CASKIN2: variants seen among roughly 807,000 people sequenced by gnomAD.
CASKIN2 encodes the protein CASK interacting protein 2.
In CASKIN2, 41 loss-of-function variants were observed where a neutral mutation model predicts 107.1. The observed-to-expected ratio is 0.38, with a 90% CI of 0.30 to 0.50. CASKIN2 has a LOEUF of 0.50. CASKIN2 is among the 20% of genes least tolerant of loss of function. The pLI, the probability that CASKIN2 is intolerant of heterozygous loss-of-function variation, is 0.92. For missense variants in CASKIN2, 1,546 were observed against 1,657.4 expected (o/e 0.93, Z 1.17); for synonymous variants, 724 against 705.6 (o/e 1.03, Z -0.41).
At position 75,502,578 on chromosome 17, in the gene CASKIN2, C is replaced by A. The variant is rs970002382; in HGVS notation, c.2496G>T (p.Arg832=). The change falls in exon 18 of 20, where the codon CGG becomes CGT. Residue 832 remains arginine, a synonymous_variant. Transcript: ENST00000321617. This position sits in a 1 kb window ranked among gnomAD's most constrained non-coding sequence, Gnocchi z 4.3. ...TLGSYATLTR[R]PGRSALVRTS... is the part of the protein sequence containing the mutation. ...TCCGGACAAGGGCACTGCGTCCTGG[C>A]CGCCGGGTAAGGGTAGCATAACTGC... The A allele has an allele frequency of 6.3e-7, 1 of 1,588,390 alleles. No individual in the cohort carries two copies. Among genetic ancestry groups the A allele is most frequent in the Non-Finnish European group, 8.6e-7 (1 of 1,165,950 alleles).
chr17:75,513,703 G>A lies in CASKIN2; in HGVS notation c.94+8C>T, dbSNP rs777301543. 8.7e-6 allele frequency: 14 copies of A among 1,612,512 alleles called. No individual in the cohort carries two copies. In the South Asian group the frequency reaches 1.1e-4, roughly 13 times the overall value. On this transcript the variant is annotated splice_region_variant and intron_variant, in intron 2 of 19. Transcript: ENST00000321617. ...CTCAGCGGGATGCTCGTCCCACCCGGTACTCACTTGTCTTTGTGGCCTTGA... is the reference window on the plus strand; with the variant it reads ...CTCAGCGGGATGCTCGTCCCACCCGATACTCACTTGTCTTTGTGGCCTTGA...
At chr17:75,507,511 A>T in intron 4 of CASKIN2, 73 bp downstream of exon 4, 1 of 1,110,546 alleles carries the variant, frequency 9.0e-7, no homozygotes, top group Non-Finnish European at 1.4e-6. Context: ...CATAGGAGCA[A>T]GCTCTGGTCC....
rs747185897 is a variant in CASKIN2, at chr17:75,503,759, T to C, written c.1580A>G (p.Asp527Gly). The change falls in exon 16 of 20, where the codon GAC (aspartate) becomes GGC (glycine). Residue 527 changes from aspartate (D) to glycine (G), a missense_variant and splice_region_variant. This residue lies in a region of CASKIN2 where 1,311 missense variants were observed against 1,311.0 expected (regional missense o/e 1.00). Transcript: ENST00000321617. ...CTTGGTCACCCCGATGGCCGTCAGG[T>C]CCTGCCACACAAAGTCTGGCCATCA... ...VPTISRMTPE[D>G]LTAIGVTKPG... 3.4e-5 allele frequency: 55 copies of C among 1,612,098 alleles called. 1 individual carries two copies. The highest frequency in any genetic ancestry group is 2.5e-6 in the Non-Finnish European group (3 of 1,179,930).
At position 75,506,684 on chromosome 17, in the gene CASKIN2, T is replaced by A; in HGVS notation, c.516A>T (p.Leu172Phe). The A allele has an allele frequency of 6.2e-7, 1 of 1,613,242 alleles. No individual in the cohort carries two copies. Among genetic ancestry groups the A allele is most frequent in the Non-Finnish European group, 8.5e-7 (1 of 1,179,928 alleles). Residue 172 changes from leucine to phenylalanine, a missense_variant, in exon 7 of 20, where the codon TTA becomes TTT. Transcript: ENST00000321617. The surrounding 1 kb of genome is among the most constrained non-coding windows in gnomAD (Gnocchi z 4.8). The part of the protein sequence containing the change: ...KVAQLLLNSH[L>F]CVALLEGEAK... ...CCTCACCCTCCAGCAGTGCCACACA[T>A]AAGTGGCTGTTCAGAAGCAGCTGGG...
intron 2 of CASKIN2, among the ~76,000 whole-genome samples, chr17:75,512,059 C>T (rs1295406290): frequency 6.6e-6 from 1 of 152,238 alleles, no homozygotes; most frequent in Non-Finnish European, 1.5e-5. Flanking sequence ...GGCACAGAGA[C>T]CACCCCACAG....
At chr17:75,512,737 G>A (rs111881544) in intron 2 of CASKIN2, among the ~76,000 whole-genome samples, 3,233 of 151,930 alleles carry the variant, frequency 0.021, 48 homozygotes, top group Non-Finnish European at 0.034. Flanking sequence ...GTGAAACCCC[G>A]TCTCTAGTAA....
intron 19 of CASKIN2, 103 bp from the exon 20 acceptor site, chr17:75,501,273 G>T: frequency 8.0e-7 from 1 of 1,247,752 alleles, no homozygotes; most frequent in Non-Finnish European, 1.1e-6. Context: ...GGGAGGCAAG[G>T]GACCGGCCAG....
chr17:75,509,093 T>C (rs1387381350), intron 2 of CASKIN2, among the ~76,000 whole-genome samples: 1 of 152,210 alleles, frequency 6.6e-6, no homozygotes, highest in African/African-American at 2.4e-5. Flanking sequence ...GGGTCTTGGC[T>C]GAGATGTCCA....
At position 75,507,590 on chromosome 17, in the gene CASKIN2, T is replaced by C. The variant is rs2053279111; in HGVS notation, c.238A>G (p.Ser80Gly). The change falls in exon 4 of 20, where the codon AGC becomes GGC. Residue 80 changes from serine (S) to glycine (G), a missense_variant. Coordinates refer to ENST00000321617, the MANE Select transcript of CASKIN2 (RefSeq NM_020753.5). ...EAQATVDIKD[S>G]NGMRPLHYAA... is the part of the protein sequence containing the mutation. Reference sequence around the variant, plus strand: ...GGGCACATGGGGGTCTCACCATTGCTGTCCTTGATGTCAACAGTGGCCTGA... The same window carrying C: ...GGGCACATGGGGGTCTCACCATTGCCGTCCTTGATGTCAACAGTGGCCTGA... The C allele has an allele frequency of 1.9e-6, 3 of 1,612,590 alleles. No individual in the cohort carries two copies. Among genetic ancestry groups the C allele is most frequent in the Admixed American group, 1.7e-5 (1 of 59,994 alleles).
At position 75,500,665 on chromosome 17, in the gene CASKIN2, T is replaced by C. The variant is rs748296307; in HGVS notation, c.*415A>G. ...CCAGACACACGCCTCCTCCAGCCTC[T>C]CAGGGCCTGGGCAGGATGGTGGGTG... On this transcript the variant is annotated 3_prime_UTR_variant, in exon 20 of 20. Coordinates refer to ENST00000321617, the MANE Select transcript of CASKIN2 (RefSeq NM_020753.5). 2 of 231,142 alleles carry C rather than the reference T, an allele frequency of 8.7e-6. No homozygotes were observed. Among genetic ancestry groups the C allele is most frequent in the Non-Finnish European group, 1.7e-5 (2 of 115,144 alleles). The allele number at this position is 231,142 out of a possible 1,614,324, so 14.3% of individuals were successfully genotyped here.
intron 4 of CASKIN2, 138 bp downstream of exon 4, chr17:75,507,446 G>A: frequency 1.5e-6 from 1 of 673,252 alleles, no homozygotes; most frequent in Non-Finnish European, 2.6e-6. Flanking sequence ...ACGGGGAAAA[G>A]CCACTTGCAA....
Position 75,502,064 on chromosome 17 carries a change from T to C in CASKIN2, c.3010A>G (p.Thr1004Ala). ...PKCREREPLQ[T>A]ALLAFGVASA... ...GCCACTCCGAAGGCCAGCAGTGCGG[T>C]CTGCAGTGGCTCTCTCTCCCGGCAC... The change falls in exon 18 of 20, where the codon ACC becomes GCC. Residue 1004 changes from threonine (T) to alanine (A), a missense_variant. Thr to Ala is a moderately conservative substitution (Grantham distance 58). This residue lies in a region of CASKIN2 where 1,311 missense variants were observed against 1,311.0 expected (regional missense o/e 1.00). Coordinates refer to ENST00000321617, the MANE Select transcript of CASKIN2 (RefSeq NM_020753.5). The surrounding 1 kb of genome is among the most constrained non-coding windows in gnomAD (Gnocchi z 4.3). 6.2e-7 allele frequency: 1 copy of C among 1,612,054 alleles called. No individual in the cohort carries two copies. The highest frequency in any genetic ancestry group is 8.5e-7 in the Non-Finnish European group (1 of 1,179,870).
intron 19 of CASKIN2, 109 bp from the exon 20 acceptor site, chr17:75,501,279 G>T: frequency 8.1e-7 from 1 of 1,229,500 alleles, no homozygotes; most frequent in Non-Finnish European, 1.1e-6. Context: ...CAAGGGACCG[G>T]CCAGGCTCCT....
chr17:75,501,791 C>G lies in CASKIN2; in HGVS notation c.3283G>C (p.Val1095Leu). ...CCTCCCCTCTTACCTGCTCCGGGCA[C>G]CTTGAGGAGGGCAGCAGGGGCGGCC... ...PPAAPAALLKVPGAGTAPKPV... is the reference protein window; with the variant it reads ...PPAAPAALLKLPGAGTAPKPV... The change falls in exon 18 of 20, where the codon GTG becomes CTG. Residue 1095 changes from valine (V) to leucine (L), a missense_variant. Around this residue, in one of 6 missense-constraint regions of CASKIN2, gnomAD observed 1,311 missense variants for 1,311.0 expected, o/e 1.00. Transcript: ENST00000321617. The G allele has an allele frequency of 2.0e-6, 3 of 1,537,258 alleles. No individual in the cohort carries two copies. Among genetic ancestry groups the G allele is most frequent in the Non-Finnish European group, 2.6e-6 (3 of 1,144,546 alleles).
Position 75,501,133 on chromosome 17 carries a change from T to A in CASKIN2, c.3556A>T (p.Ile1186Phe). 6.3e-7 allele frequency: 1 copy of A among 1,594,022 alleles called. No homozygotes were observed. The highest frequency in any genetic ancestry group is 8.5e-7 in the Non-Finnish European group (1 of 1,170,284). Residue 1186 changes from isoleucine to phenylalanine, a missense_variant, in exon 20 of 20, where the codon ATC (isoleucine) becomes TTC (phenylalanine). Ile to Phe is a conservative substitution (Grantham distance 21, BLOSUM62 0). Transcript: ENST00000321617. ...GCCAGGGCGTCGAACATGGTGCTGA[T>A]GTCATCCAGAATGTGCTTGGTGGAG... is the stretch of plus-strand genomic sequence containing the variant. Reference protein sequence around the residue: ...SASTKHILDDISTMFDALADQ... With the variant: ...SASTKHILDDFSTMFDALADQ...
chr17:75,507,197 G>A (rs2053275038), intron 4 of CASKIN2, 68 bp from the exon 5 acceptor site: 2 of 1,521,598 alleles, frequency 1.3e-6, no homozygotes, highest in Admixed American at 2.0e-5. Flanking sequence ...GAACTGAGCA[G>A]AGTACGGAGC....
At chr17:75,509,398 G>A (rs1434375651) in intron 2 of CASKIN2, among the ~76,000 whole-genome samples, 1 of 152,226 alleles carries the variant, frequency 6.6e-6, no homozygotes, top group Non-Finnish European at 1.5e-5. Flanking sequence ...AGTAGCCTGG[G>A]GAAGACAGGG....
At chr17:75,511,155 G>A (rs2053312867) in intron 2 of CASKIN2, among the ~76,000 whole-genome samples, 1 of 147,890 alleles carries the variant, frequency 6.8e-6, no homozygotes, top group Admixed American at 6.9e-5. Flanking sequence ...CTGCCTCCCA[G>A]GTTCAAGCGA....
At chr17:75,511,326 G>A (rs570493815) in intron 2 of CASKIN2, among the ~76,000 whole-genome samples, 3 of 152,022 alleles carry the variant, frequency 2.0e-5, no homozygotes, top group Non-Finnish European at 4.4e-5. Flanking sequence ...CTCCCAAAGT[G>A]AGACCCTATC....
Sources: allele counts gnomAD v4.1 joint callset (sites outside exome capture counted in the v4.1 genomes callset), GRCh38; gene constraint gnomAD v4.1.1; regional missense constraint gnomAD v4.1.1; non-coding constraint Gnocchi (gnomAD v3.1); transcripts MANE v1.5; gene names NCBI Gene and HGNC (gene_info 2026-07-23, HGNC 2026-07-21).